Variants in SLC13A4 observed in about 807,000 individuals in gnomAD.
The protein encoded by SLC13A4 is solute carrier family 13 member 4, also known as Na(+)/sulfate cotransporter SUT-1.
A neutral mutation model predicts 72.7 loss-of-function variants in SLC13A4; 28 were observed. The observed-to-expected ratio is 0.39, with a 90% CI of 0.29 to 0.53. The LOEUF is 0.53. Ranked by LOEUF, SLC13A4 falls within the 20% of genes least tolerant of loss-of-function variation. The pLI is 0.78. For synonymous variants in SLC13A4, 312 were observed against 325.5 expected (o/e 0.96, Z 0.45); for missense variants, 653 against 788.0 (o/e 0.83, Z 2.05).
At chr7:135,711,321 C>G (rs910587024) in intron 2 of SLC13A4, among the ~76,000 whole-genome samples, 1 of 152,192 alleles carries the variant, frequency 6.6e-6, no homozygotes, top group African/African-American at 2.4e-5. Context: ...CTGCCTCTAT[C>G]ATATCCCATT....
At chr7:135,719,043 A>G (rs1563170942) in intron 2 of SLC13A4, among the ~76,000 whole-genome samples, 1 of 152,246 alleles carries the variant, frequency 6.6e-6, no homozygotes, top group East Asian at 1.9e-4. Flanking sequence ...AAGCCACGTC[A>G]TCAGGCAGGT....
In SLC13A4 at chr7:135,701,697, T is replaced by G. The variant is rs750575786; in HGVS notation, c.697A>C (p.Lys233Gln). 3.2e-5 allele frequency: 51 copies of G among 1,613,658 alleles called. No homozygotes were observed. Among genetic ancestry groups the G allele is most frequent in the Non-Finnish European group, 4.2e-5 (50 of 1,179,774 alleles). Reference protein sequence around the residue: ...IKTANQHQGKKQHPSQEKPQV... With the variant: ...IKTANQHQGKQQHPSQEKPQV... Reference sequence around the variant, plus strand: ...TCTATTACCTGGGATGGGTGTTGCTTCTTGCCCTGGTGTTGGTTTGCAGTT... The same window carrying G: ...TCTATTACCTGGGATGGGTGTTGCTGCTTGCCCTGGTGTTGGTTTGCAGTT... Residue 233 changes from lysine to glutamine, a missense_variant, in exon 7 of 16, where the codon AAG becomes CAG. Lys to Gln is a moderately conservative substitution (Grantham distance 53). Coordinates refer to ENST00000682651, the MANE Select transcript of SLC13A4 (RefSeq NM_001318192.2).
chr7:135,683,878 C>G (rs1032242741), intron 15 of SLC13A4: 25 of 791,834 alleles, frequency 3.2e-5, no homozygotes, highest in Non-Finnish European at 3.8e-5. Flanking sequence ...CTGTCTGTTC[C>G]AGCTTTCTCT....
intron 2 of SLC13A4, among the ~76,000 whole-genome samples, chr7:135,715,386 T>C (rs1584738140): frequency 6.8e-6 from 1 of 147,444 alleles, no homozygotes; most frequent in East Asian, 2.0e-4. Flanking sequence ...TGTGAGTGTG[T>C]ATGTGTGAAC....
intron 5 of SLC13A4, chr7:135,703,732 G>A (rs1202979454): frequency 6.6e-6 from 1 of 152,286 alleles, no homozygotes; most frequent in Non-Finnish European, 1.5e-5. Context: ...AGAGCGTATT[G>A]GGCACACACA....
At position 135,708,228 on chromosome 7, in the gene SLC13A4, T is replaced by G; in HGVS notation, c.251A>C (p.Asn84Thr). ...GACCCCCACCAGCAGCAGCGTGGTG[T>G]TCTTGAAGTACTCCGCCGCCACCTG... ...SNEVAAEYFK[N>T]TTLLLVGVIC... The change falls in exon 3 of 16, where the codon AAC (asparagine) becomes ACC (threonine). Residue 84 changes from asparagine (N) to threonine (T), a missense_variant. Coordinates refer to ENST00000682651, the MANE Select transcript of SLC13A4 (RefSeq NM_001318192.2). The G allele has an allele frequency of 3.1e-6, 5 of 1,614,136 alleles. No individual in the cohort carries two copies. The highest frequency in any genetic ancestry group is 4.2e-6 in the Non-Finnish European group (5 of 1,180,014).
intron 2 of SLC13A4, among the ~76,000 whole-genome samples, chr7:135,718,298 A>G (rs1274276706): frequency 1.3e-5 from 2 of 152,132 alleles, no homozygotes; most frequent in Non-Finnish European, 2.9e-5. Flanking sequence ...TACTGTCTCT[A>G]AATGTTGAAT....
At chr7:135,701,560 A>G (rs1313352047) in intron 7 of SLC13A4, 120 bp downstream of exon 7, 2 of 954,982 alleles carry the variant, frequency 2.1e-6, no homozygotes, top group African/African-American at 1.6e-5. Context: ...TATGAGAGTA[A>G]TGAGTGCCTG....
chr7:135,725,928 C>T lies in SLC13A4; in HGVS notation c.99+1470G>A, dbSNP rs533078713. 2.0e-5 allele frequency among the ~76,000 whole-genome samples: 3 copies of T among 152,260 alleles called. No homozygotes were observed. In the South Asian group the frequency reaches 6.2e-4, roughly 32 times the overall value. On this transcript the variant is annotated intron_variant, in intron 1 of 15. Transcript: ENST00000682651. ...AGGCTGCAGTGAGCTACGATTGTGC[C>T]ACCGCACTCCGGACTGGGTGACAGA...
chr7:135,681,641 G>A lies in SLC13A4; in HGVS notation c.1806C>T (p.Asn602=). 6.2e-7 allele frequency: 1 copy of A among 1,614,148 alleles called. No homozygotes were observed. Among genetic ancestry groups the A allele is most frequent in the East Asian group, 2.2e-5 (1 of 44,876 alleles). The change falls in exon 16 of 16, where the codon AAC becomes AAT. Residue 602 remains asparagine (N), a synonymous_variant. Coordinates refer to ENST00000682651, the MANE Select transcript of SLC13A4 (RefSeq NM_001318192.2). Reference sequence around the variant, plus strand: ...GGTGGAAGAGGCTAACTCCCCAGGTGTTGATGGCCACCATTACTATCACCA... The same window carrying A: ...GGTGGAAGAGGCTAACTCCCCAGGTATTGATGGCCACCATTACTATCACCA... The part of the protein sequence containing the change: ...IGLVIVMVAI[N]TWGVSLFHLD...
At chr7:135,683,401 C>T (rs1795549293) in intron 15 of SLC13A4, 1 of 984,128 alleles carries the variant, frequency 1.0e-6, no homozygotes, top group South Asian at 4.7e-5. Flanking sequence ...CTTTACAGGG[C>T]TGCCCGAGAA....
Position 135,691,559 on chromosome 7 carries a change from T to C in SLC13A4, c.1310A>G (p.Lys437Arg). ...TTCCCTTCTCTCACCATCATTCTTT[T>C]TCCCAAAGCAGGGCTTCTTCGCTGG... is the stretch of plus-strand genomic sequence containing the variant. The part of the protein sequence containing the change: ...LIPAKKPCFG[K>R]KNDGENQEHS... The change falls in exon 12 of 16, where the codon AAA becomes AGA. Residue 437 changes from lysine (K) to arginine (R), a missense_variant. By Grantham distance (26) the Lys-to-Arg change is conservative. Transcript: ENST00000682651. 1 of 1,612,588 alleles carries C rather than the reference T, an allele frequency of 6.2e-7. No homozygotes were observed. The highest frequency in any genetic ancestry group is 8.5e-7 in the Non-Finnish European group (1 of 1,178,598).
intron 15 of SLC13A4, chr7:135,683,210 A>T: frequency 4.3e-6 from 1 of 232,976 alleles, no homozygotes; most frequent in Non-Finnish European, 7.0e-6. Flanking sequence ...GAGGCATGAG[A>T]ATCACTTGAA....
At chr7:135,708,034 G>A in intron 3 of SLC13A4, 80 bp downstream of exon 3, 4 of 1,541,732 alleles carry the variant, frequency 2.6e-6, no homozygotes, top group Non-Finnish European at 3.5e-6. Flanking sequence ...ACATCCCGCA[G>A]TGACCTGAGA....
At chr7:135,706,737 T>C (rs1255894800) in intron 3 of SLC13A4, among the ~76,000 whole-genome samples, 1 of 152,186 alleles carries the variant, frequency 6.6e-6, no homozygotes, top group Non-Finnish European at 1.5e-5. Flanking sequence ...TGCCGCCAAG[T>C]CACCATAGAT....
At chr7:135,710,439 A>G (rs553386163) in intron 2 of SLC13A4, among the ~76,000 whole-genome samples, 2 of 152,356 alleles carry the variant, frequency 1.3e-5, no homozygotes, top group African/African-American at 4.8e-5. Flanking sequence ...TTCATCTGCT[A>G]TAACAAGAAG....
At chr7:135,724,500 GAAA>G (rs5887740) in intron 1 of SLC13A4, among the ~76,000 whole-genome samples, 3,754 of 94,626 alleles carry the variant, frequency 0.04, 85 homozygotes, top group African/African-American at 0.13. Flanking sequence ...CTCTGTCTCA[GAAA>G]AAAAAAAAAA....
At chr7:135,706,673 C>T (rs1796170709) in intron 3 of SLC13A4, among the ~76,000 whole-genome samples, 1 of 152,214 alleles carries the variant, frequency 6.6e-6, no homozygotes, top group East Asian at 1.9e-4. Flanking sequence ...GAAGGCAATA[C>T]TTTGTTTGCC....
In SLC13A4 at chr7:135,708,262, C is replaced by T. The variant is rs746712807; in HGVS notation, c.229-12G>A. 2 of 1,613,910 alleles carry T rather than the reference C, an allele frequency of 1.2e-6. No homozygotes were observed. The highest frequency in any genetic ancestry group is 1.7e-6 in the Non-Finnish European group (2 of 1,179,870). On this transcript the variant is annotated splice_polypyrimidine_tract_variant and intron_variant, in intron 2 of 15. Coordinates refer to ENST00000682651, the MANE Select transcript of SLC13A4 (RefSeq NM_001318192.2). Reference sequence around the variant, plus strand: ...TACTCCGCCGCCACCTGTAGGGAGGCCAGGCATGTCAGTCACCCTCCCGGA... The same window carrying T: ...TACTCCGCCGCCACCTGTAGGGAGGTCAGGCATGTCAGTCACCCTCCCGGA...
Sources: gnomAD v4.1 joint callset for allele counts (sites outside exome capture counted in the v4.1 genomes callset) on GRCh38, gnomAD v4.1.1 for gene constraint, MANE v1.5 for transcripts, NCBI Gene and HGNC (gene_info 2026-07-23, HGNC 2026-07-21) for gene names.